Variants in DUSP22 observed in about 807,000 individuals in gnomAD.
DUSP22 encodes the protein dual specificity phosphatase 22, also known as dual specificity protein phosphatase 22.
DUSP22 carries 24 observed loss-of-function variants against 24.5 expected under a neutral mutation model. The ratio of observed to expected loss-of-function variants is 0.98; its 90% CI spans 0.71 to 1.38. The LOEUF is 1.38. Among genes scored for constraint, DUSP22 ranks in the 40% most tolerant of loss-of-function variants. DUSP22 has a pLI of 0.00. For synonymous variants in DUSP22, 160 were observed against 106.4 expected (o/e 1.50, Z -3.10); for missense variants, 330 against 269.2 (o/e 1.23, Z -1.58).
chr6:339,072 T>C (rs1759483094), intron 4 of DUSP22, among the ~76,000 whole-genome samples: 1 of 152,298 alleles, frequency 6.6e-6, no homozygotes, highest in African/African-American at 2.4e-5. Context: ...ATGTAAAAGT[T>C]CAAGTTCTCA....
intron 4 of DUSP22, among the ~76,000 whole-genome samples, chr6:344,497 C>T (rs1194452727): frequency 7.9e-5 from 12 of 152,288 alleles, no homozygotes; most frequent in African/African-American, 2.4e-4. Flanking sequence ...GACATTTTGC[C>T]CCGGCTGGTC....
intron 4 of DUSP22, among the ~76,000 whole-genome samples, chr6:343,123 A>G (rs1033509925): frequency 6.6e-6 from 1 of 152,282 alleles, no homozygotes; most frequent in Admixed American, 6.5e-5. Flanking sequence ...AGATTTCGGG[A>G]TTACAGCAGG....
At chr6:321,732 A>G (rs960284108) in intron 3 of DUSP22, among the ~76,000 whole-genome samples, 1 of 139,850 alleles carries the variant, frequency 7.2e-6, no homozygotes, top group East Asian at 1.9e-4. Context: ...AAACTACATT[A>G]AAAAAAAAGG....
chr6:315,426 G>A (rs950803575), intron 3 of DUSP22, among the ~76,000 whole-genome samples: 22 of 152,298 alleles, frequency 1.4e-4, no homozygotes, highest in Non-Finnish European at 1.2e-4. Flanking sequence ...ATGGCTGTCT[G>A]GGTAGCTTGA....
chr6:342,211 A>G (rs1204213441), intron 4 of DUSP22, among the ~76,000 whole-genome samples: 2 of 152,294 alleles, frequency 1.3e-5, no homozygotes, highest in Non-Finnish European at 2.9e-5. Context: ...GTGGTTTTTC[A>G]TTTACTCAGG....
At position 349,278 on chromosome 6, in the gene DUSP22, T is replaced by C; in HGVS notation, c.*327T>C. The C allele has an allele frequency of 7.7e-7, 1 of 1,299,974 alleles. No homozygotes were observed. The highest frequency in any genetic ancestry group is 9.8e-7 in the Non-Finnish European group (1 of 1,017,154). The allele number at this position is 1,299,974 out of a possible 1,614,324, so 80.5% of individuals were successfully genotyped here. A position where few individuals can be genotyped will look rare whatever the true frequency, so the allele number is the denominator to read the frequency against. ...GTGTGTGCCTGTGTGAGTGAGGGTA[T>C]GTGCACCTAAGTGTGTACATGTGTG... On this transcript the variant is annotated 3_prime_UTR_variant, in exon 7 of 7. Coordinates refer to ENST00000419235, the MANE Select transcript of DUSP22 (RefSeq NM_001286555.3).
At chr6:293,282 TC>T (rs1757178864) in intron 1 of DUSP22, among the ~76,000 whole-genome samples, 1 of 152,282 alleles carries the variant, frequency 6.6e-6, no homozygotes, top group Non-Finnish European at 1.5e-5. Flanking sequence ...GGCTAGCCTT[TC>T]CCGTCCAGGG....
chr6:342,755 C>A (rs576420514), intron 4 of DUSP22, among the ~76,000 whole-genome samples: 2 of 151,836 alleles, frequency 1.3e-5, no homozygotes, highest in Admixed American at 1.3e-4. Flanking sequence ...AGAGATAGAT[C>A]ACTTTCCTCT....
intron 1 of DUSP22, among the ~76,000 whole-genome samples, chr6:297,517 G>T (rs1203834584): frequency 6.6e-6 from 1 of 152,308 alleles, no homozygotes; most frequent in African/African-American, 2.4e-5. Context: ...GACATTTCAG[G>T]ATAATTACTT....
At chr6:315,209 A>G (rs1458065877) in intron 3 of DUSP22, among the ~76,000 whole-genome samples, 5 of 152,308 alleles carry the variant, frequency 3.3e-5, no homozygotes, top group Non-Finnish European at 7.3e-5. Context: ...CGTAATAGAA[A>G]CCTGGGGACC....
chr6:328,568 C>G (rs2127408945), intron 3 of DUSP22, among the ~76,000 whole-genome samples: 1 of 152,428 alleles, frequency 6.6e-6, no homozygotes, highest in South Asian at 2.1e-4. Flanking sequence ...TGTCTCTCCA[C>G]TCTGACCTCC....
Position 350,934 on chromosome 6 carries a change from G to C in DUSP22, c.*1983G>C. On this transcript the variant is annotated 3_prime_UTR_variant, in exon 7 of 7. Transcript: ENST00000419235. ...TAGGCTGGTGCTGCCAAAAAGAAAA[G>C]CAACATAGAGTTTAAGTATCCAGTA... is the stretch of plus-strand genomic sequence containing the variant. The C allele has an allele frequency of 1.2e-6, 2 of 1,602,804 alleles. No homozygotes were observed. Among genetic ancestry groups the C allele is most frequent in the Non-Finnish European group, 1.7e-6 (2 of 1,170,732 alleles).
intron 2 of DUSP22, among the ~76,000 whole-genome samples, chr6:307,682 G>A (rs1020349045): frequency 1.3e-5 from 2 of 152,310 alleles, no homozygotes; most frequent in African/African-American, 4.8e-5. Context: ...GACAGTAGAT[G>A]TCAGCTGACA....
chr6:302,862 G>A (rs1581146176), intron 1 of DUSP22, among the ~76,000 whole-genome samples: 1 of 152,426 alleles, frequency 6.6e-6, no homozygotes, highest in East Asian at 1.9e-4. Flanking sequence ...AAAGCCAAGG[G>A]CAGGGTGAGG....
At chr6:334,956 AT>A (rs1759296748) in intron 3 of DUSP22, among the ~76,000 whole-genome samples, 157 bp from the exon 4 acceptor site, 1 of 152,304 alleles carries the variant, frequency 6.6e-6, no homozygotes, top group Admixed American at 6.5e-5. Flanking sequence ...AGGAACTTTA[AT>A]TAGTTTTTCT....
At chr6:337,131 CTT>C (rs1476068293) in intron 4 of DUSP22, 1 of 152,644 alleles carries the variant, frequency 6.6e-6, no homozygotes, top group Non-Finnish European at 1.5e-5. Flanking sequence ...TGAGTGCTCT[CTT>C]GTCTGTGACA....
intron 1 of DUSP22, among the ~76,000 whole-genome samples, chr6:293,514 C>T (rs773122526): frequency 6.6e-6 from 1 of 152,416 alleles, no homozygotes; most frequent in East Asian, 1.9e-4. Flanking sequence ...TGCGCTCCAC[C>T]CACCCACATC....
At chr6:321,227 G>T (rs1249404762) in intron 3 of DUSP22, among the ~76,000 whole-genome samples, 2 of 152,306 alleles carry the variant, frequency 1.3e-5, no homozygotes, top group African/African-American at 4.8e-5. Context: ...GCAAGGGAAG[G>T]TGTGTCCTGG....
At chr6:344,662 A>G (rs544447452) in intron 4 of DUSP22, among the ~76,000 whole-genome samples, 86 of 152,374 alleles carry the variant, frequency 5.6e-4, no homozygotes, top group African/African-American at 2.0e-3. Flanking sequence ...TACCAGCCCC[A>G]CTTTATAAAT....
Sources: allele counts gnomAD v4.1 joint callset (sites outside exome capture counted in the v4.1 genomes callset), GRCh38; gene constraint gnomAD v4.1.1; transcripts MANE v1.5; gene names NCBI Gene and HGNC (gene_info 2026-07-23, HGNC 2026-07-21).